The following PTPRN2 variants were observed in gnomAD, a reference collection of about 807,000 sequenced individuals.
The protein encoded by PTPRN2 is receptor-type tyrosine-protein phosphatase N2.
In PTPRN2, 74 loss-of-function variants were observed where a neutral mutation model predicts 118.8. The ratio of observed to expected loss-of-function variants is 0.62; its 90% CI spans 0.52 to 0.76. PTPRN2 has a LOEUF of 0.76. PTPRN2 is among the 30% of genes least tolerant of loss of function. The pLI, the probability that PTPRN2 is intolerant of heterozygous loss-of-function variation, is 0.00. For missense variants in PTPRN2, 1,481 were observed against 1,394.4 expected, an observed-to-expected ratio of 1.06 and a Z score of -0.99; for synonymous variants, 641 against 608.0, an observed-to-expected ratio of 1.05 and a Z score of -0.80.
In PTPRN2 at chr7:158,309,778, A is replaced by C. The variant is rs183040036; in HGVS notation, c.277+7041T>G. On this transcript the variant is annotated intron_variant, in intron 3 of 22. Transcript: ENST00000389418. ...CTAACCAATGAGATACACTATGGTC[A>C]TAGAATACACATGCTATGATACAGA... 6.6e-5 allele frequency among the ~76,000 whole-genome samples: 10 copies of C among 152,350 alleles called. No individual in the cohort carries two copies. The East Asian group carries it at 1.9e-3, about 29-fold the overall frequency.
chr7:157,914,948 T>A (rs540548179), intron 11 of PTPRN2, among the ~76,000 whole-genome samples: 11 of 152,342 alleles, frequency 7.2e-5, no homozygotes, highest in Non-Finnish European at 1.5e-4. Flanking sequence ...ATTAAACTCA[T>A]ACCCTTAGTT....
chr7:157,842,175 T>G (rs541032472), intron 12 of PTPRN2, among the ~76,000 whole-genome samples: 2 of 152,158 alleles, frequency 1.3e-5, no homozygotes, highest in Non-Finnish European at 2.9e-5. Flanking sequence ...CTGGCCCCTT[T>G]GTGCGTGGGG....
At chr7:157,835,885 G>A (rs765105875) in intron 12 of PTPRN2, among the ~76,000 whole-genome samples, 22 of 150,458 alleles carry the variant, frequency 1.5e-4, no homozygotes, top group South Asian at 4.5e-4. Flanking sequence ...ACATGAGAGC[G>A]ATTGACAAAA....
chr7:158,263,272 CGT>C (rs1307266918), intron 3 of PTPRN2, among the ~76,000 whole-genome samples: 3 of 152,216 alleles, frequency 2.0e-5, no homozygotes, highest in African/African-American at 4.8e-5. Flanking sequence ...ATGCACTGCA[CGT>C]GTTGCACTCA....
Position 157,898,715 on chromosome 7 carries a change from C to T in PTPRN2, c.1746G>A (p.Glu582=). The T allele has an allele frequency of 6.2e-7, 1 of 1,608,338 alleles. No homozygotes were observed. Among genetic ancestry groups the T allele is most frequent in the Non-Finnish European group, 8.5e-7 (1 of 1,174,622 alleles). The stretch of plus-strand genomic sequence containing the variant: ...GAAGAATTTTCAGTCCAGAGGTTTC[C>T]TCCAGTTTGTCTTTGTTGTCAACTG... The part of the protein sequence containing the change: ...KATVDNKDKL[E]ETSGLKILQT... The change falls in exon 12 of 23, where the codon GAG becomes GAA. Residue 582 remains glutamate (E), a synonymous_variant. Transcript: ENST00000389418.
At chr7:158,453,715 A>T (rs569277179) in intron 2 of PTPRN2, among the ~76,000 whole-genome samples, 2 of 145,568 alleles carry the variant, frequency 1.4e-5, no homozygotes, top group Admixed American at 1.4e-4. Flanking sequence ...ACACAAATTA[A>T]CTGAGGAAAA....
At position 158,509,339 on chromosome 7, in the gene PTPRN2, G is replaced by A. The variant is rs1823012949; in HGVS notation, c.113-19554C>T. Among the ~76,000 whole-genome samples the A allele has an allele frequency of 6.6e-6, 1 of 152,182 alleles. No individual in the cohort carries two copies. The highest frequency in any genetic ancestry group is 6.5e-5 in the Admixed American group (1 of 15,282). On this transcript the variant is annotated intron_variant, in intron 1 of 22. Coordinates refer to ENST00000389418, the MANE Select transcript of PTPRN2 (RefSeq NM_002847.5). The surrounding 1 kb of genome is among the most constrained non-coding windows in gnomAD (Gnocchi z 4.4). ...TGATCCCTAACGTGCAATCGGGGCT[G>A]GAGCCGGAGACCCCTCCACCCTGCA...
chr7:158,130,364 CAT>C (rs908497805), intron 9 of PTPRN2, among the ~76,000 whole-genome samples: 25 of 152,020 alleles, frequency 1.6e-4, no homozygotes, highest in African/African-American at 6.0e-4. Context: ...CACACACACT[CAT>C]ATACACACAT....
chr7:157,558,437 C>A (rs898541052), intron 21 of PTPRN2, among the ~76,000 whole-genome samples: 1 of 152,236 alleles, frequency 6.6e-6, no homozygotes, highest in African/African-American at 2.4e-5. Context: ...AGGTCCTCAA[C>A]ACCTATGTCA....
chr7:158,131,053 G>GACAC (rs370138588), intron 9 of PTPRN2, among the ~76,000 whole-genome samples: 2,644 of 128,934 alleles, frequency 0.021, 67 homozygotes, highest in African/African-American at 0.067. Flanking sequence ...CGTACATACA[G>GACAC]ACACCTGCCC....
At chr7:157,849,863 C>G (rs1809139128) in intron 12 of PTPRN2, among the ~76,000 whole-genome samples, 1 of 152,168 alleles carries the variant, frequency 6.6e-6, no homozygotes, top group Admixed American at 6.5e-5. Context: ...GTTCGATCAC[C>G]ATGGAGGAGG....
chr7:157,866,747 T>C (rs1436926402), intron 12 of PTPRN2, among the ~76,000 whole-genome samples: 1 of 151,636 alleles, frequency 6.6e-6, no homozygotes, highest in Non-Finnish European at 1.5e-5. Flanking sequence ...TGCCCCGAGA[T>C]GCACGGCCAC....
chr7:158,399,010 T>C (rs1485654397), intron 2 of PTPRN2, among the ~76,000 whole-genome samples: 1 of 152,214 alleles, frequency 6.6e-6, no homozygotes, highest in African/African-American at 2.4e-5. Context: ...AAATGTCTTA[T>C]GTATTTGCTT....
At chr7:158,378,981 T>C (rs1487753394) in intron 2 of PTPRN2, among the ~76,000 whole-genome samples, 5 of 152,208 alleles carry the variant, frequency 3.3e-5, no homozygotes, top group Admixed American at 3.3e-4. Flanking sequence ...TTATTGACAG[T>C]GCATCTGCAC....
At chr7:157,652,385 C>T (rs552655128) in intron 14 of PTPRN2, among the ~76,000 whole-genome samples, 6 of 152,224 alleles carry the variant, frequency 3.9e-5, no homozygotes, top group Non-Finnish European at 7.3e-5. Flanking sequence ...AAGCCCGTCT[C>T]ACAGGGGAGA....
At chr7:158,235,099 T>C (rs938219373) in intron 3 of PTPRN2, among the ~76,000 whole-genome samples, 1 of 151,806 alleles carries the variant, frequency 6.6e-6, no homozygotes, top group Non-Finnish European at 1.5e-5. Flanking sequence ...AAATAACAAA[T>C]GGCTGGCACG....
chr7:158,055,697 C>T (rs1408869352), intron 11 of PTPRN2, among the ~76,000 whole-genome samples: 1 of 152,202 alleles, frequency 6.6e-6, no homozygotes, highest in Non-Finnish European at 1.5e-5. Context: ...CAGGGAAGGG[C>T]CCCCTGTCCA....
chr7:158,374,925 T>A (rs1222593419), intron 2 of PTPRN2, among the ~76,000 whole-genome samples: 1 of 152,214 alleles, frequency 6.6e-6, no homozygotes. Flanking sequence ...AGATTTCTAC[T>A]ATATGTAACA....
At position 158,316,237 on chromosome 7, in the gene PTPRN2, C is replaced by T. The variant is rs114202725; in HGVS notation, c.277+582G>A. 4.0e-3 allele frequency among the ~76,000 whole-genome samples: 608 copies of T among 152,254 alleles called. 4 individuals are homozygous for T. Among genetic ancestry groups the T allele is most frequent in the African/African-American group, 0.014 (585 of 41,534 alleles). ...CAGTGCTCCTGCCAGAACTACCCTC[C>T]GTGGAGTCAGAACGCCTTATCCATC... On this transcript the variant is annotated intron_variant, in intron 3 of 22. Coordinates refer to ENST00000389418, the MANE Select transcript of PTPRN2 (RefSeq NM_002847.5).
Sources: allele counts gnomAD v4.1 joint callset (sites outside exome capture counted in the v4.1 genomes callset), GRCh38; gene constraint gnomAD v4.1.1; non-coding constraint Gnocchi (gnomAD v3.1); transcripts MANE v1.5; gene names NCBI Gene and HGNC (gene_info 2026-07-23, HGNC 2026-07-21).